Variants in MOSMO observed in about 807,000 individuals in gnomAD.
MOSMO encodes modulator of smoothened, also known as modulator of smoothened protein.
A neutral mutation model predicts 18.4 loss-of-function variants in MOSMO; 5 were observed. That is an observed-to-expected ratio of 0.27 (90% CI 0.14 to 0.57). The LOEUF (loss-of-function observed/expected upper bound fraction) is 0.57. Among genes scored for constraint, MOSMO ranks in the 20% least tolerant of loss-of-function variants. The pLI is 0.92. For missense variants in MOSMO, 138 were observed against 211.8 expected (o/e 0.65, Z 2.16); for synonymous variants, 82 against 82.3 (o/e 1.00, Z 0.02).
At chr16:22,041,433 T>G (rs1008849309) in intron 1 of MOSMO, among the ~76,000 whole-genome samples, 1 of 152,196 alleles carries the variant, frequency 6.6e-6, no homozygotes, top group African/African-American at 2.4e-5. Flanking sequence ...AGAATCCGAT[T>G]CAGCAGGTCT....
intron 1 of MOSMO, among the ~76,000 whole-genome samples, chr16:22,010,179 A>G (rs1444185206): frequency 1.3e-5 from 2 of 152,170 alleles, no homozygotes; most frequent in Non-Finnish European, 2.9e-5. Flanking sequence ...TCATGCTGTC[A>G]TATTCACTGG....
At chr16:22,037,587 C>T (rs1168664251) in intron 1 of MOSMO, among the ~76,000 whole-genome samples, 1 of 152,182 alleles carries the variant, frequency 6.6e-6, no homozygotes, top group Non-Finnish European at 1.5e-5. Context: ...AAGCCAGTTG[C>T]AAGCCTCGGG....
chr16:22,069,441 G>T (rs1158228472), intron 1 of MOSMO, among the ~76,000 whole-genome samples: 2 of 152,018 alleles, frequency 1.3e-5, no homozygotes, highest in African/African-American at 4.8e-5. Context: ...CCAGATCCAA[G>T]AAAGATCCCT....
At chr16:22,024,418 G>A (rs1210974252) in intron 1 of MOSMO, among the ~76,000 whole-genome samples, 6 of 151,772 alleles carry the variant, frequency 4.0e-5, no homozygotes, top group Non-Finnish European at 8.8e-5. Context: ...AGGCTGGAGA[G>A]CAGTGGTATG....
At chr16:22,031,699 A>G (rs1047343167) in intron 1 of MOSMO, among the ~76,000 whole-genome samples, 10 of 152,208 alleles carry the variant, frequency 6.6e-5, no homozygotes, top group Non-Finnish European at 1.5e-4. Context: ...CTTCATTTTT[A>G]TTACCAAATG....
chr16:22,060,924 G>T (rs2141759059), intron 1 of MOSMO, among the ~76,000 whole-genome samples: 1 of 151,852 alleles, frequency 6.6e-6, no homozygotes, highest in South Asian at 2.1e-4. Context: ...CAAACAGTTG[G>T]GTAGTTTCTT....
intron 1 of MOSMO, among the ~76,000 whole-genome samples, chr16:22,067,715 A>G (rs998360641): frequency 6.6e-6 from 1 of 152,198 alleles, no homozygotes; most frequent in African/African-American, 2.4e-5. Flanking sequence ...CATCTCTACT[A>G]AAAATACAAA....
intron 1 of MOSMO, among the ~76,000 whole-genome samples, chr16:22,045,865 T>G (rs1271336630): frequency 6.6e-6 from 1 of 152,054 alleles, no homozygotes; most frequent in Non-Finnish European, 1.5e-5. Context: ...ATTTTTTTCT[T>G]TCTTCACTAG....
At chr16:22,059,129 A>T (rs558274278) in intron 1 of MOSMO, among the ~76,000 whole-genome samples, 1 of 152,296 alleles carries the variant, frequency 6.6e-6, no homozygotes, top group East Asian at 1.9e-4. Context: ...TTATTTATTC[A>T]AACAGTGAAT....
At chr16:22,020,328 C>T (rs190104071) in intron 1 of MOSMO, among the ~76,000 whole-genome samples, 41 of 89,742 alleles carry the variant, frequency 4.6e-4, no homozygotes, top group Middle Eastern at 0.021. Flanking sequence ...GAGTTTTGCT[C>T]TTGTTGCCCA....
At chr16:22,015,805 A>G (rs1899624704) in intron 1 of MOSMO, among the ~76,000 whole-genome samples, 1 of 152,188 alleles carries the variant, frequency 6.6e-6, no homozygotes, top group African/African-American at 2.4e-5. Flanking sequence ...CCACTTCAGA[A>G]TTAAGACTAT....
At position 22,081,260 on chromosome 16, in the gene MOSMO, A is replaced by G. The variant is rs1339515352; in HGVS notation, c.*380A>G. On this transcript the variant is annotated 3_prime_UTR_variant, in exon 3 of 3. Coordinates refer to ENST00000542527, the MANE Select transcript of MOSMO (RefSeq NM_001164579.2). ...TTAATGTCTAATGATTCATTAGAGG[A>G]AAAAAAAAAGTCTAAGTATTTATGT... 1 of 149,324 alleles carries G rather than the reference A, an allele frequency of 6.7e-6. No individual in the cohort carries two copies. Among genetic ancestry groups the G allele is most frequent in the Non-Finnish European group, 1.5e-5 (1 of 67,168 alleles). The allele number at this position is 149,324 out of a possible 1,614,324, so 9.2% of individuals were successfully genotyped here.
At chr16:22,077,727 G>C (rs1287136428) in intron 2 of MOSMO, among the ~76,000 whole-genome samples, 1 of 152,026 alleles carries the variant, frequency 6.6e-6, no homozygotes, top group Non-Finnish European at 1.5e-5. Context: ...AGGACCTCCT[G>C]GGGCTCCCTA....
At chr16:22,056,779 C>T (rs1345035469) in intron 1 of MOSMO, among the ~76,000 whole-genome samples, 2 of 152,170 alleles carry the variant, frequency 1.3e-5, no homozygotes, top group African/African-American at 4.8e-5. Context: ...CAGCCTAGTC[C>T]GTTAGGAACC....
At chr16:22,051,372 C>T (rs1434229107) in intron 1 of MOSMO, among the ~76,000 whole-genome samples, 1 of 149,722 alleles carries the variant, frequency 6.7e-6, no homozygotes, top group Non-Finnish European at 1.5e-5. Context: ...GGCGACAGAG[C>T]AAGACTCCAT....
At position 22,075,306 on chromosome 16, in the gene MOSMO, T is replaced by C. The variant is rs1265687888; in HGVS notation, c.107-181T>C. 4.3e-6 allele frequency: 3 copies of C among 695,536 alleles called. No individual in the cohort carries two copies. In the East Asian group the frequency reaches 8.2e-5, roughly 19 times the overall value. 43.1% of individuals were successfully genotyped at this position (695,536 alleles called of 1,614,324 possible). A position where few individuals can be genotyped will look rare whatever the true frequency, so the allele number is the denominator to read the frequency against. On this transcript the variant is annotated intron_variant, in intron 1 of 2. Transcript: ENST00000542527. ...GTTATTTTTTTAGGTTCACTTTGTATGTTAAACTAAGTATTACTACGTTAT... is the reference window on the plus strand; with the variant it reads ...GTTATTTTTTTAGGTTCACTTTGTACGTTAAACTAAGTATTACTACGTTAT...
intron 1 of MOSMO, among the ~76,000 whole-genome samples, chr16:22,025,506 G>A (rs1299176677): frequency 2.6e-5 from 4 of 152,162 alleles, no homozygotes; most frequent in African/African-American, 9.7e-5. Flanking sequence ...GTAAAGAAGA[G>A]TAGTCTTACT....
At position 22,080,867 on chromosome 16, in the gene MOSMO, G is replaced by A. The variant is rs537600800; in HGVS notation, c.491G>A (p.Cys164Tyr). ...GGACTTCTATTTGCTGGCAAAGTTTGTTTACCAGGCTGATGAATGTCTAAA... is the reference window on the plus strand; with the variant it reads ...GGACTTCTATTTGCTGGCAAAGTTTATTTACCAGGCTGATGAATGTCTAAA... ...IVGLLFAGKV[C>Y]LPG Residue 164 changes from cysteine to tyrosine, a missense_variant, in exon 3 of 3, where the codon TGT becomes TAT. Coordinates refer to ENST00000542527, the MANE Select transcript of MOSMO (RefSeq NM_001164579.2). 17 of 1,398,232 alleles carry A rather than the reference G, an allele frequency of 1.2e-5. No individual in the cohort carries two copies. Among genetic ancestry groups the A allele is most frequent in the Admixed American group, 6.3e-5 (2 of 31,922 alleles). 86.6% of individuals were successfully genotyped at this position (1,398,232 alleles called of 1,614,324 possible).
At position 22,021,873 on chromosome 16, in the gene MOSMO, G is replaced by T. The variant is rs138975095; in HGVS notation, c.106+13466G>T. 3.9e-5 allele frequency among the ~76,000 whole-genome samples: 6 copies of T among 152,130 alleles called. No homozygotes were observed. The East Asian group carries it at 1.2e-3, about 29-fold the overall frequency. On this transcript the variant is annotated intron_variant, in intron 1 of 2. Transcript: ENST00000542527. ...CTGGTTCTGTTGTTTACCAGCTGAG[G>T]GGCTTTGAGCATGTTTCTTGGCCTC...
Sources: allele counts gnomAD v4.1 joint callset (sites outside exome capture counted in the v4.1 genomes callset), GRCh38; gene constraint gnomAD v4.1.1; transcripts MANE v1.5; gene names NCBI Gene and HGNC (gene_info 2026-07-23, HGNC 2026-07-21).